STXBP5: variants seen among roughly 807,000 people sequenced by gnomAD.
STXBP5 encodes syntaxin-binding protein 5.
In STXBP5, 50 loss-of-function variants were observed where a neutral mutation model predicts 152.4. The ratio of observed to expected loss-of-function variants is 0.33; its 90% CI spans 0.26 to 0.42. The LOEUF (loss-of-function observed/expected upper bound fraction) is 0.42. STXBP5 is among the 10% of genes least tolerant of loss of function. STXBP5 has a pLI of 1.00. For synonymous variants in STXBP5, 492 were observed against 494.7 expected (o/e 0.99, Z 0.07); for missense variants, 1,167 against 1,388.6 (o/e 0.84, Z 2.54).
chr6:147,238,791 G>T (rs1300898377), intron 3 of STXBP5, among the ~76,000 whole-genome samples: 1 of 152,036 alleles, frequency 6.6e-6, no homozygotes, highest in African/African-American at 2.4e-5. Context: ...AAATGTGGAG[G>T]TTACTTCATA....
At chr6:147,363,852 A>G in intron 24 of STXBP5, 148 bp downstream of exon 24, 1 of 1,379,216 alleles carries the variant, frequency 7.3e-7, no homozygotes, top group Non-Finnish European at 9.7e-7. Flanking sequence ...GAACAAGTAT[A>G]TGAGGAGTAT....
At chr6:147,273,664 C>T (rs182280126) in intron 7 of STXBP5, among the ~76,000 whole-genome samples, 8 of 151,808 alleles carry the variant, frequency 5.3e-5, no homozygotes, top group Admixed American at 2.6e-4. Context: ...TTAAAAAAAA[C>T]GTTGATGCCG....
intron 18 of STXBP5, chr6:147,328,576 C>T: frequency 3.1e-6 from 1 of 319,946 alleles, no homozygotes; most frequent in Non-Finnish European, 6.3e-6. Flanking sequence ...TTTTGTTTTT[C>T]CATTTTTTTT....
intron 21 of STXBP5, among the ~76,000 whole-genome samples, chr6:147,342,762 C>T (rs1321450864): frequency 6.6e-6 from 1 of 152,074 alleles, no homozygotes; most frequent in African/African-American, 2.4e-5. Flanking sequence ...TCCTACAATG[C>T]ATATCTTGGT....
intron 4 of STXBP5, among the ~76,000 whole-genome samples, chr6:147,243,462 T>C (rs1349611388): frequency 6.6e-6 from 1 of 152,224 alleles, no homozygotes; most frequent in African/African-American, 2.4e-5. Context: ...TAATAATTCT[T>C]TGTATGTTTT....
At chr6:147,310,263 A>G (rs1369638261) in intron 10 of STXBP5, 25 bp downstream of exon 10, 4 of 1,503,116 alleles carry the variant, frequency 2.7e-6, no homozygotes, top group Non-Finnish European at 3.5e-6. Flanking sequence ...TTTAAAGCTC[A>G]TTCTCTATAG....
At chr6:147,322,318 A>T (rs117535110) in intron 16 of STXBP5, among the ~76,000 whole-genome samples, 5,380 of 152,302 alleles carry the variant, frequency 0.035, 146 homozygotes, top group Admixed American at 0.054. Flanking sequence ...TATTTCCCTA[A>T]GAATAATTCA....
At chr6:147,219,555 A>C (rs1777351419) in intron 2 of STXBP5, among the ~76,000 whole-genome samples, 1 of 152,146 alleles carries the variant, frequency 6.6e-6, no homozygotes, top group Non-Finnish European at 1.5e-5. Flanking sequence ...TAATTGATTC[A>C]GTTTCTTTAA....
intron 18 of STXBP5, among the ~76,000 whole-genome samples, chr6:147,329,713 C>G (rs1212767309): frequency 1.8e-4 from 27 of 149,228 alleles, no homozygotes; most frequent in Non-Finnish European, 4.0e-4. Flanking sequence ...GCAAGCTCCG[C>G]CTCCCGGGTT....
intron 4 of STXBP5, among the ~76,000 whole-genome samples, chr6:147,254,922 A>C (rs990103710): frequency 2.0e-5 from 3 of 152,362 alleles, no homozygotes; most frequent in African/African-American, 7.2e-5. Context: ...TTCCTCAAGG[A>C]TCTACAACCA....
intron 17 of STXBP5, 132 bp from the exon 18 acceptor site, chr6:147,326,993 T>C: frequency 4.1e-6 from 3 of 728,272 alleles, no homozygotes; most frequent in Non-Finnish European, 6.6e-6. Flanking sequence ...TTTCAGTTCC[T>C]ATAGTTGTCT....
chr6:147,342,031 A>G (rs1784116857), intron 21 of STXBP5, among the ~76,000 whole-genome samples: 1 of 152,202 alleles, frequency 6.6e-6, no homozygotes, highest in Admixed American at 6.5e-5. Context: ...GCCCCACTCC[A>G]TGGTCTGTCC....
At chr6:147,352,307 A>T (rs1245426476) in intron 21 of STXBP5, among the ~76,000 whole-genome samples, 1 of 152,234 alleles carries the variant, frequency 6.6e-6, no homozygotes, top group Non-Finnish European at 1.5e-5. Context: ...AAATTTGATT[A>T]GATATAAGTT....
At chr6:147,247,367 G>A (rs546984659) in intron 4 of STXBP5, among the ~76,000 whole-genome samples, 20 of 152,334 alleles carry the variant, frequency 1.3e-4, no homozygotes, top group Middle Eastern at 3.4e-3. Context: ...GCCCAATCCT[G>A]TTGGGAAGAT....
chr6:147,319,202 G>C lies in STXBP5; in HGVS notation c.1802+2795G>C, dbSNP rs1014497319. Among the ~76,000 whole-genome samples the C allele has an allele frequency of 4.6e-5, 7 of 151,964 alleles. No individual in the cohort carries two copies. In the East Asian group the frequency reaches 9.6e-4, roughly 21 times the overall value. Reference sequence around the variant, plus strand: ...TGGGGGGGTTGTTTTTTAAAAAACAGTCATTAAAACTCTTTTATTTTTCAT... The same window carrying C: ...TGGGGGGGTTGTTTTTTAAAAAACACTCATTAAAACTCTTTTATTTTTCAT... On this transcript the variant is annotated intron_variant, in intron 16 of 27. Transcript: ENST00000321680.
intron 7 of STXBP5, among the ~76,000 whole-genome samples, chr6:147,271,743 A>G (rs944019647): frequency 2.0e-5 from 3 of 152,114 alleles, no homozygotes; most frequent in African/African-American, 7.2e-5. Flanking sequence ...GAGCAGATTA[A>G]ATCTATAGTA....
chr6:147,271,692 C>T (rs535565202), intron 7 of STXBP5, among the ~76,000 whole-genome samples: 8 of 152,102 alleles, frequency 5.3e-5, no homozygotes, highest in South Asian at 2.1e-4. Context: ...TGGTTTCAAG[C>T]GAGTGGCCTC....
At chr6:147,207,751 T>C (rs1310514580) in intron 2 of STXBP5, among the ~76,000 whole-genome samples, 1 of 152,192 alleles carries the variant, frequency 6.6e-6, no homozygotes, top group African/African-American at 2.4e-5. Flanking sequence ...CAGCTATTTT[T>C]CCCTTATTTT....
rs978608031 is a variant in STXBP5 at position 147,317,901 on chromosome 6, A to C, written c.1802+1494A>C. 5.9e-5 allele frequency among the ~76,000 whole-genome samples: 9 copies of C among 152,174 alleles called. 1 individual carries two copies. In the East Asian group the frequency reaches 1.5e-3, roughly 26 times the overall value. On this transcript the variant is annotated intron_variant, in intron 16 of 27. Transcript: ENST00000321680. ...GTTTTTTTCCCAAGCCCTTTGTTAC[A>C]TTTAATTTTTATGACATACGTAGTA...
Sources: gnomAD v4.1 joint callset for allele counts (sites outside exome capture counted in the v4.1 genomes callset) on GRCh38, gnomAD v4.1.1 for gene constraint, MANE v1.5 for transcripts, NCBI Gene and HGNC (gene_info 2026-07-23, HGNC 2026-07-21) for gene names.